SERINC5: variants seen among roughly 807,000 people sequenced by gnomAD.
SERINC5 encodes the protein chromosome 5 open reading frame 12.
SERINC5 carries 41 observed loss-of-function variants against 63.1 expected under a neutral mutation model. The observed-to-expected ratio is 0.65, with a 90% CI of 0.51 to 0.84. SERINC5 has a LOEUF of 0.84. Among genes scored for constraint, SERINC5 ranks in the 40% least tolerant of loss-of-function variants. SERINC5 has a pLI of 0.00. For synonymous variants in SERINC5, 222 were observed against 215.2 expected (o/e 1.03, Z -0.28); for missense variants, 523 against 573.0 (o/e 0.91, Z 0.89).
intron 11 of SERINC5, among the ~76,000 whole-genome samples, chr5:80,115,655 AGTTTACT>A (rs759181849): frequency 9.9e-5 from 15 of 152,014 alleles, no homozygotes; most frequent in Non-Finnish European, 1.9e-4. Flanking sequence ...AAATTTCCTG[AGTTTACT>A]GTTTACTGCA....
intron 11 of SERINC5, chr5:80,116,120 C>T (rs1744314006): frequency 2.8e-6 from 1 of 360,264 alleles, no homozygotes; most frequent in Admixed American, 3.8e-5. Flanking sequence ...GTTGCTGCAG[C>T]AATGCAAAAA....
At chr5:80,208,059 T>C (rs1750256270) in intron 1 of SERINC5, among the ~76,000 whole-genome samples, 1 of 152,324 alleles carries the variant, frequency 6.6e-6, no homozygotes, top group Admixed American at 6.5e-5. Flanking sequence ...CTACTGGTGC[T>C]TTCACAAGCT....
At chr5:80,152,138 G>A (rs1287523315) in intron 8 of SERINC5, among the ~76,000 whole-genome samples, 1 of 152,178 alleles carries the variant, frequency 6.6e-6, no homozygotes, top group Admixed American at 6.5e-5. Context: ...CTGTGTGCCT[G>A]GTCAGAGGAA....
At chr5:80,148,189 C>CTTTTTTTTTTTTTTTTTTTTTTTTTTTTT in intron 9 of SERINC5, among the ~76,000 whole-genome samples, 1 of 102,334 alleles carries the variant, frequency 9.8e-6, no homozygotes. Context: ...ATTTTTTATT[C>CTTTTTTTTTTTTTTTTTTTTTTTTTTTTT]TTTTTTTTTT....
rs1745484545 is a variant in SERINC5 at position 80,141,209 on chromosome 5, T to C, written c.*2454A>G. On this transcript the variant is annotated 3_prime_UTR_variant, in exon 12 of 12. Coordinates refer to ENST00000507668, the MANE Select transcript of SERINC5 (RefSeq NM_001174072.3). ...TAACATTTTCAGCTGAGAATAAAAT[T>C]CAGAGCAACTGTAACTCTTCCTCTT... is the stretch of plus-strand genomic sequence containing the variant. The C allele has an allele frequency of 1.7e-5, 17 of 985,456 alleles. No individual in the cohort carries two copies. Among genetic ancestry groups the C allele is most frequent in the Non-Finnish European group, 1.8e-5 (15 of 829,944 alleles). The allele number at this position is 985,456 out of a possible 1,614,324, so 61.0% of individuals were successfully genotyped here.
In SERINC5 at chr5:80,174,986, G is replaced by A. The variant is rs1417649650; in HGVS notation, c.519C>T (p.Leu173=). The A allele has an allele frequency of 6.2e-6, 10 of 1,602,428 alleles. No individual in the cohort carries two copies. The highest frequency in any genetic ancestry group is 3.4e-5 in the South Asian group (3 of 88,616). ...FLFIGIQLLL[L]VEFAHKWNKN... Reference sequence around the variant, plus strand: ...TGTTCCACTTATGTGCAAACTCCACGAGCAGGAGGAGCTGGATGCCAATGA... The same window carrying A: ...TGTTCCACTTATGTGCAAACTCCACAAGCAGGAGGAGCTGGATGCCAATGA... Residue 173 remains leucine (L), a synonymous_variant, in exon 5 of 12, where the codon CTC becomes CTT. Coordinates refer to ENST00000507668, the MANE Select transcript of SERINC5 (RefSeq NM_001174072.3).
intron 11 of SERINC5, among the ~76,000 whole-genome samples, chr5:80,131,985 G>A (rs1170354218): frequency 3.3e-5 from 5 of 152,098 alleles, no homozygotes; most frequent in Non-Finnish European, 7.4e-5. Context: ...GAAGGCATAT[G>A]GAGAAAGATA....
At chr5:80,233,973 A>G (rs4704650) in intron 1 of SERINC5, among the ~76,000 whole-genome samples, 49,843 of 151,190 alleles carry the variant, frequency 0.33, 8,491 homozygotes, top group African/African-American at 0.43. Context: ...CACCATGCCC[A>G]GCTAATTTTT....
chr5:80,239,525 A>G (rs559234309), intron 1 of SERINC5, among the ~76,000 whole-genome samples: 1 of 150,388 alleles, frequency 6.6e-6, no homozygotes, highest in Non-Finnish European at 1.5e-5. Context: ...GACAAGATTT[A>G]AGGGAGGCAC....
At chr5:80,220,442 G>A (rs535626558) in intron 1 of SERINC5, among the ~76,000 whole-genome samples, 3 of 152,188 alleles carry the variant, frequency 2.0e-5, no homozygotes, top group Non-Finnish European at 2.9e-5. Flanking sequence ...GGGGTAGGCT[G>A]TTCAGGAAAC....
intron 1 of SERINC5, chr5:80,203,299 C>A: frequency 6.1e-6 from 1 of 164,358 alleles, no homozygotes; most frequent in Non-Finnish European, 1.3e-5. Flanking sequence ...TATATTGAGA[C>A]AGTCTATATC....
chr5:80,243,784 T>TAAAA lies in SERINC5; in HGVS notation c.27+12108_27+12111dup, dbSNP rs1554072234. ...ATAAATAAATAAATAAATAAATAAA[T>TAAAA]AAAACAAAATAAAATAAGCAAGCAG... On this transcript the variant is annotated intron_variant, in intron 1 of 11. Coordinates refer to ENST00000507668, the MANE Select transcript of SERINC5 (RefSeq NM_001174072.3). Among the ~76,000 whole-genome samples the TAAAA allele has an allele frequency of 1.2e-3, 185 of 148,888 alleles. 2 individuals carry two copies. The highest frequency in any genetic ancestry group is 9.3e-3 in the South Asian group (44 of 4,740).
At position 80,141,464 on chromosome 5, in the gene SERINC5, G is replaced by T; in HGVS notation, c.*2199C>A. On this transcript the variant is annotated 3_prime_UTR_variant, in exon 12 of 12. Coordinates refer to ENST00000507668, the MANE Select transcript of SERINC5 (RefSeq NM_001174072.3). ...TGGACCTTGACTGCGCGTAAGGTCA[G>T]TTTCTCAAATCACACCAGCTGGCAG... 1.1e-6 allele frequency: 1 copy of T among 952,250 alleles called. No homozygotes were observed. The highest frequency in any genetic ancestry group is 1.2e-6 in the Non-Finnish European group (1 of 828,842). 59.0% of individuals were successfully genotyped at this position (952,250 alleles called of 1,614,324 possible). A position where few individuals can be genotyped will look rare whatever the true frequency, so the allele number is the denominator to read the frequency against.
chr5:80,135,178 C>A (rs1285585472), downstream of SERINC5, among the ~76,000 whole-genome samples: 1 of 152,160 alleles, frequency 6.6e-6, no homozygotes, highest in Non-Finnish European at 1.5e-5. Context: ...GGACTATAGG[C>A]ACATGCCACC....
chr5:80,222,839 G>T (rs150110339), intron 1 of SERINC5, among the ~76,000 whole-genome samples: 7 of 152,178 alleles, frequency 4.6e-5, no homozygotes, highest in African/African-American at 1.7e-4. Flanking sequence ...CTCCCAAAGT[G>T]CTGGGATTAC....
intron 2 of SERINC5, among the ~76,000 whole-genome samples, chr5:80,187,981 T>G (rs1039770936): frequency 3.3e-5 from 5 of 152,052 alleles, no homozygotes; most frequent in Non-Finnish European, 5.9e-5. Context: ...ATTGAGAGAA[T>G]TAGGTAAAAC....
At chr5:80,247,452 A>G (rs1024822851) in intron 1 of SERINC5, among the ~76,000 whole-genome samples, 11 of 152,184 alleles carry the variant, frequency 7.2e-5, no homozygotes, top group African/African-American at 2.4e-4. Context: ...GCTGCCTTCC[A>G]CGCCTACAGA....
intron 1 of SERINC5, among the ~76,000 whole-genome samples, chr5:80,248,740 CA>C (rs1341963481): frequency 2.0e-5 from 3 of 152,114 alleles, no homozygotes; most frequent in Admixed American, 6.6e-5. Flanking sequence ...AATGTTAATG[CA>C]GTGGAAGCAA....
intron 2 of SERINC5, chr5:80,198,467 G>T (rs986372577): frequency 1.1e-6 from 1 of 932,802 alleles, no homozygotes; most frequent in Non-Finnish European, 1.3e-6. Context: ...TAACTGACAA[G>T]GGAGCTGCCC....
Sources: allele counts gnomAD v4.1 joint callset (sites outside exome capture counted in the v4.1 genomes callset), GRCh38; gene constraint gnomAD v4.1.1; transcripts MANE v1.5; gene names NCBI Gene and HGNC (gene_info 2026-07-23, HGNC 2026-07-21).